The following SPHK2 variants were observed in gnomAD, a reference collection of about 807,000 sequenced individuals.
The protein encoded by SPHK2 is sphingosine kinase 2.
A neutral mutation model predicts 32.3 loss-of-function variants in SPHK2; 18 were observed. That is an observed-to-expected ratio of 0.56 (90% CI 0.39 to 0.83). The LOEUF (loss-of-function observed/expected upper bound fraction) is 0.83. SPHK2 is among the 40% of genes least tolerant of loss of function. The pLI is 0.00. For synonymous variants in SPHK2, 462 were observed against 417.6 expected, an observed-to-expected ratio of 1.11 and a Z score of -1.30; for missense variants, 850 against 908.7, an observed-to-expected ratio of 0.94 and a Z score of 0.83.
In SPHK2 at chr19:48,626,214, TCGGGGC is replaced by T. The variant is rs1316348624; in HGVS notation, c.367_372del (p.Gly123_Arg124del). On this transcript the variant is annotated inframe_deletion, in exon 3 of 7. Transcript: ENST00000245222. ...CCTACTTCTGCATCTACACCTACCC[TCGGGGC>T]CGGCGCGGGGCCCGGCGCAGAGCCA... 5 of 1,594,712 alleles carry T rather than the reference TCGGGGC, an allele frequency of 3.1e-6. No individual in the cohort carries two copies. The highest frequency in any genetic ancestry group is 3.4e-6 in the Non-Finnish European group (4 of 1,175,740).
chr19:48,622,127 C>G (rs983177166), intron 2 of SPHK2, among the ~76,000 whole-genome samples: 11 of 152,094 alleles, frequency 7.2e-5, no homozygotes, highest in Non-Finnish European at 1.0e-4. Context: ...CATGGTGGCG[C>G]GCGCCTGTAG....
intron 2 of SPHK2, chr19:48,624,858 G>A: frequency 1.0e-6 from 1 of 964,704 alleles, no homozygotes; most frequent in Non-Finnish European, 1.2e-6. Context: ...TCCTAAGGGT[G>A]AGTCCACAGG....
chr19:48,622,030 C>T (rs566163001), intron 2 of SPHK2, among the ~76,000 whole-genome samples: 5 of 151,844 alleles, frequency 3.3e-5, no homozygotes, highest in African/African-American at 1.2e-4. Flanking sequence ...CCGAGATGGG[C>T]GGATCACGAG....
chr19:48,620,614 TC>T, intron 2 of SPHK2, 61 bp downstream of exon 2: 48 of 1,369,762 alleles, frequency 3.5e-5, no homozygotes, highest in South Asian at 1.3e-4. Context: ...CTGAAGCTTT[TC>T]TTTAAAAAAA....
chr19:48,629,950 G>A lies in SPHK2; in HGVS notation c.*177G>A, dbSNP rs2030453094. On this transcript the variant is annotated 3_prime_UTR_variant, in exon 7 of 7. Coordinates refer to ENST00000245222, the MANE Select transcript of SPHK2 (RefSeq NM_020126.5). ...GATGCTGGAAGGTGGGCGTCGTCACGGTTAAAGAGAAATGGGCTCGTCCCG... is the reference window on the plus strand; with the variant it reads ...GATGCTGGAAGGTGGGCGTCGTCACAGTTAAAGAGAAATGGGCTCGTCCCG... The A allele has an allele frequency of 1.4e-6, 2 of 1,416,072 alleles. No individual in the cohort carries two copies. The highest frequency in any genetic ancestry group is 2.5e-5 in the East Asian group (1 of 39,518). The allele number at this position is 1,416,072 out of a possible 1,614,324, so 87.7% of individuals were successfully genotyped here. A position where few individuals can be genotyped will look rare whatever the true frequency, so the allele number is the denominator to read the frequency against.
chr19:48,622,113 C>T (rs923218567), intron 2 of SPHK2, among the ~76,000 whole-genome samples: 1 of 151,970 alleles, frequency 6.6e-6, no homozygotes, highest in Non-Finnish European at 1.5e-5. Flanking sequence ...AAAAATTAGC[C>T]GGGCATGGTG....
chr19:48,625,725 C>G (rs1440308741), intron 2 of SPHK2, 166 bp from the exon 3 acceptor site: 2 of 1,534,948 alleles, frequency 1.3e-6, no homozygotes, highest in Non-Finnish European at 1.7e-6. Flanking sequence ...GCCTCTGTCC[C>G]GCATCCTCAA....
intron 2 of SPHK2, among the ~76,000 whole-genome samples, chr19:48,622,699 G>T (rs1974451776): frequency 6.6e-6 from 1 of 151,606 alleles, no homozygotes; most frequent in South Asian, 2.1e-4. Context: ...TGCTACTGTG[G>T]GTTGGATGCT....
In SPHK2 at chr19:48,628,636, G is replaced by C. The variant is rs1009425953; in HGVS notation, c.873-45G>C. The C allele has an allele frequency of 5.0e-6, 8 of 1,594,942 alleles. No individual in the cohort carries two copies. The Middle Eastern group carries it at 5.0e-4, about 99-fold the overall frequency. ...CTACCTGTCTCTTTCCCCAACCCCT[G>C]TTTGCTCCTTCCTTCTGTGTGTCCG... On this transcript the variant is annotated intron_variant, in intron 6 of 6. Transcript: ENST00000245222. The surrounding 1 kb of genome is among the most constrained non-coding windows in gnomAD (Gnocchi z 5.2).
Position 48,628,048 on chromosome 19 carries a change from G to A in SPHK2, c.735G>A (p.Ser245=), listed in dbSNP as rs746600744. The A allele has an allele frequency of 1.9e-5, 30 of 1,594,264 alleles. No individual in the cohort carries two copies. Among genetic ancestry groups the A allele is most frequent in the Admixed American group, 3.4e-5 (2 of 58,484 alleles). The change falls in exon 5 of 7, where the codon TCG becomes TCA. Residue 245 remains serine (S), a synonymous_variant. Transcript: ENST00000245222. The surrounding 1 kb of genome is among the most constrained non-coding windows in gnomAD (Gnocchi z 5.2). ...LSEWDGIVTV[S]GDGLLHEVLN... ...AGTGGGATGGCATCGTCACGGTCTC[G>A]GGAGACGGGCTGCTCCATGAGGTAG... is the stretch of plus-strand genomic sequence containing the variant.
intron 2 of SPHK2, chr19:48,625,293 CA>C: frequency 9.0e-7 from 1 of 1,109,548 alleles, no homozygotes; most frequent in Non-Finnish European, 1.1e-6. Context: ...GCCTGAGTTT[CA>C]CCTCATTGAC....
chr19:48,627,613 T>G, intron 3 of SPHK2, 79 bp from the exon 4 acceptor site: 1 of 1,482,384 alleles, frequency 6.7e-7, no homozygotes, highest in Non-Finnish European at 9.0e-7. Context: ...CCAATTCCGT[T>G]GGGGGCTGAT....
At position 48,626,187 on chromosome 19, in the gene SPHK2, G is replaced by A. The variant is rs202107869; in HGVS notation, c.336G>A (p.Ala112=). The A allele has an allele frequency of 1.6e-5, 25 of 1,593,862 alleles. No homozygotes were observed. The African/African-American group carries it at 2.3e-4, about 15-fold the overall frequency. ...TLRSRSPSDS[A]AYFCIYTYPR... is the part of the protein sequence containing the mutation. ...GAAGCCGCAGCCCCTCAGACTCAGC[G>A]GCCTACTTCTGCATCTACACCTACC... The change falls in exon 3 of 7, where the codon GCG becomes GCA. Residue 112 remains alanine (A), a synonymous_variant. Transcript: ENST00000245222.
chr19:48,627,072 T>C (rs2147690601), intron 3 of SPHK2, among the ~76,000 whole-genome samples: 1 of 152,312 alleles, frequency 6.6e-6, no homozygotes, highest in South Asian at 2.1e-4. Flanking sequence ...AGGCAGAGGC[T>C]GCAGTGAGCC....
At position 48,628,969 on chromosome 19, in the gene SPHK2, G is replaced by A. The variant is rs373067289; in HGVS notation, c.1161G>A (p.Ser387=). The A allele has an allele frequency of 2.2e-5, 36 of 1,613,408 alleles. No homozygotes were observed. Among genetic ancestry groups the A allele is most frequent in the African/African-American group, 1.3e-4 (10 of 74,846 alleles). The change falls in exon 7 of 7, where the codon TCG becomes TCA. Residue 387 remains serine, a synonymous_variant. Coordinates refer to ENST00000245222, the MANE Select transcript of SPHK2 (RefSeq NM_020126.5). This position sits in a 1 kb window ranked among gnomAD's most constrained non-coding sequence, Gnocchi z 5.2. The part of the protein sequence containing the change: ...SYLPATVEPA[S]PTPAHSLPRA... Reference sequence around the variant, plus strand: ...TCCCCGCCACTGTGGAACCTGCCTCGCCCACCCCTGCCCATAGCCTGCCTC... The same window carrying A: ...TCCCCGCCACTGTGGAACCTGCCTCACCCACCCCTGCCCATAGCCTGCCTC...
intron 2 of SPHK2, chr19:48,624,811 C>A: frequency 1.3e-6 from 1 of 793,800 alleles, no homozygotes; most frequent in Non-Finnish European, 1.5e-6. Context: ...CGTCCTGGAC[C>A]CGAGAGAGCC....
chr19:48,620,779 C>T (rs559035877), intron 2 of SPHK2: 123 of 460,772 alleles, frequency 2.7e-4, no homozygotes, highest in Non-Finnish European at 4.1e-4. Flanking sequence ...CAAAAATTAG[C>T]CAGGCATGGT....
Position 48,630,005 on chromosome 19 carries a change from C to T in SPHK2, c.*232C>T. On this transcript the variant is annotated 3_prime_UTR_variant, in exon 7 of 7. Coordinates refer to ENST00000245222, the MANE Select transcript of SPHK2 (RefSeq NM_020126.5). This position sits in a 1 kb window ranked among gnomAD's most constrained non-coding sequence, Gnocchi z 4.9. ...TAGTGCCTGATCAATGAGGGCGGGGCCTGGCGTCTGATCTGGGGCCGCCCT... is the reference window on the plus strand; with the variant it reads ...TAGTGCCTGATCAATGAGGGCGGGGTCTGGCGTCTGATCTGGGGCCGCCCT... 1 of 1,373,178 alleles carries T rather than the reference C, an allele frequency of 7.3e-7. No homozygotes were observed. The highest frequency in any genetic ancestry group is 9.4e-7 in the Non-Finnish European group (1 of 1,066,860). 85.1% of individuals were successfully genotyped at this position (1,373,178 alleles called of 1,614,324 possible).
At chr19:48,620,582 T>A in intron 2 of SPHK2, 29 bp downstream of exon 2, 3 of 1,530,638 alleles carry the variant, frequency 2.0e-6, no homozygotes, top group African/African-American at 1.4e-5. Context: ...GCCAAGATCC[T>A]CATACTGTGG....
Sources: allele counts gnomAD v4.1 joint callset (sites outside exome capture counted in the v4.1 genomes callset), GRCh38; gene constraint gnomAD v4.1.1; non-coding constraint Gnocchi (gnomAD v3.1); transcripts MANE v1.5; gene names NCBI Gene and HGNC (gene_info 2026-07-23, HGNC 2026-07-21).